CNTN3: variants seen among roughly 807,000 people sequenced by gnomAD.
CNTN3 encodes the protein contactin 3, also known as contactin-3.
A neutral mutation model predicts 119.1 loss-of-function variants in CNTN3; 60 were observed. The observed-to-expected ratio is 0.50, with a 90% CI of 0.41 to 0.62. The LOEUF (loss-of-function observed/expected upper bound fraction) is 0.62, where lower values mean the gene tolerates loss of function less well. Among genes scored for constraint, CNTN3 ranks in the 20% least tolerant of loss-of-function variants. The pLI is 0.00. For missense variants in CNTN3, 1,101 were observed against 1,242.4 expected (o/e 0.89, Z 1.71); for synonymous variants, 450 against 438.7 (o/e 1.03, Z -0.32).
chr3:74,611,792 A>C (rs1705086107), intron 1 of CNTN3, among the ~76,000 whole-genome samples: 1 of 152,226 alleles, frequency 6.6e-6, no homozygotes, highest in South Asian at 2.1e-4. Flanking sequence ...AGCACCTTAA[A>C]GATGCTCACC....
intron 11 of CNTN3, among the ~76,000 whole-genome samples, chr3:74,347,541 C>T (rs1216309966): frequency 6.6e-6 from 1 of 152,238 alleles, no homozygotes; most frequent in Non-Finnish European, 1.5e-5. Context: ...AAGTCCACCC[C>T]ACAAGGCCTT....
At chr3:74,467,106 A>G (rs1363351144) in intron 4 of CNTN3, among the ~76,000 whole-genome samples, 1 of 152,172 alleles carries the variant, frequency 6.6e-6, no homozygotes, top group East Asian at 1.9e-4. Flanking sequence ...AAAGATACAA[A>G]TACAATTTTT....
At chr3:74,483,329 T>C (rs1459170035) in intron 4 of CNTN3, among the ~76,000 whole-genome samples, 1 of 152,050 alleles carries the variant, frequency 6.6e-6, no homozygotes, top group African/African-American at 2.4e-5. Flanking sequence ...TGTATCCTCA[T>C]ATGGTGCACC....
intron 13 of CNTN3, among the ~76,000 whole-genome samples, chr3:74,311,100 G>A (rs1702674515): frequency 6.6e-6 from 1 of 152,188 alleles, no homozygotes; most frequent in South Asian, 2.1e-4. Flanking sequence ...CTCTGGACTA[G>A]ACACCCTTCA....
chr3:74,457,764 G>T (rs1702297080), intron 4 of CNTN3, among the ~76,000 whole-genome samples: 1 of 151,942 alleles, frequency 6.6e-6, no homozygotes, highest in Admixed American at 6.6e-5. Flanking sequence ...ATGTTGCATG[G>T]CTCAGAGGAG....
intron 16 of CNTN3, among the ~76,000 whole-genome samples, chr3:74,300,789 G>C (rs1702438626): frequency 6.6e-6 from 1 of 152,078 alleles, no homozygotes; most frequent in East Asian, 1.9e-4. Flanking sequence ...GCAATCTTTA[G>C]GTCTCAATTG....
intron 13 of CNTN3, among the ~76,000 whole-genome samples, chr3:74,318,240 AT>A (rs142155314): frequency 0.075 from 11,287 of 149,702 alleles, 481 homozygotes; most frequent in East Asian, 0.14. Flanking sequence ...CCATTTGTCT[AT>A]TTTTTTTTCA....
intron 18 of CNTN3, among the ~76,000 whole-genome samples, chr3:74,296,505 A>C (rs1358521760): frequency 6.6e-6 from 1 of 152,214 alleles, no homozygotes; most frequent in Admixed American, 6.5e-5. Flanking sequence ...TCCCTCTCAG[A>C]ACTCAACCAA....
chr3:74,495,469 TAC>T (rs1035355957), intron 3 of CNTN3, among the ~76,000 whole-genome samples: 3 of 151,990 alleles, frequency 2.0e-5, no homozygotes, highest in Non-Finnish European at 2.9e-5. Context: ...ATTGACAGCA[TAC>T]ACATAGTGTG....
chr3:74,360,924 A>G (rs1213352172), intron 11 of CNTN3, among the ~76,000 whole-genome samples: 1 of 152,016 alleles, frequency 6.6e-6, no homozygotes, highest in East Asian at 1.9e-4. Flanking sequence ...CTCCAGGATA[A>G]CCTCCTTATT....
At chr3:74,442,144 A>G (rs1246179649) in intron 4 of CNTN3, among the ~76,000 whole-genome samples, 1 of 120,800 alleles carries the variant, frequency 8.3e-6, no homozygotes, top group East Asian at 2.8e-4. Context: ...AGTGCATGCA[A>G]GTACACACAC....
intron 1 of CNTN3, among the ~76,000 whole-genome samples, chr3:74,553,594 T>G (rs967771052): frequency 2.6e-5 from 4 of 152,168 alleles, no homozygotes; most frequent in African/African-American, 9.7e-5. Context: ...CTCTCCAGCA[T>G]CTGTTGTTTC....
intron 5 of CNTN3, among the ~76,000 whole-genome samples, chr3:74,423,117 A>G (rs932820879): frequency 3.9e-5 from 6 of 152,222 alleles, no homozygotes; most frequent in Admixed American, 3.9e-4. Flanking sequence ...AGAAATACAG[A>G]GAAAAATGGA....
intron 1 of CNTN3, among the ~76,000 whole-genome samples, chr3:74,555,990 G>A (rs1704062989): frequency 6.6e-6 from 1 of 152,098 alleles, no homozygotes; most frequent in Non-Finnish European, 1.5e-5. Flanking sequence ...CCATTTTGTA[G>A]TGGGGTTGCT....
intron 4 of CNTN3, among the ~76,000 whole-genome samples, chr3:74,450,347 T>C (rs1702125886): frequency 6.6e-6 from 1 of 152,044 alleles, no homozygotes; most frequent in African/African-American, 2.4e-5. Context: ...GGTGAAAATG[T>C]AAATTGGTGT....
At chr3:74,291,981 A>C (rs542741350) in intron 19 of CNTN3, among the ~76,000 whole-genome samples, 6 of 152,226 alleles carry the variant, frequency 3.9e-5, no homozygotes, top group South Asian at 2.1e-4. Flanking sequence ...ATGTCTGCCA[A>C]TGTCATTGGA....
At chr3:74,320,477 A>G (rs188301311) in intron 13 of CNTN3, among the ~76,000 whole-genome samples, 2 of 152,042 alleles carry the variant, frequency 1.3e-5, no homozygotes, top group Non-Finnish European at 2.9e-5. Flanking sequence ...ATGAGAACAC[A>G]TGGACACAGG....
At chr3:74,449,068 GT>G (rs1385662658) in intron 4 of CNTN3, among the ~76,000 whole-genome samples, 1 of 151,908 alleles carries the variant, frequency 6.6e-6, no homozygotes, top group Non-Finnish European at 1.5e-5. Context: ...ATCTGTGCTT[GT>G]CCTATTTTAT....
intron 20 of CNTN3, among the ~76,000 whole-genome samples, chr3:74,271,072 T>A (rs1701765850): frequency 6.6e-6 from 1 of 152,220 alleles, no homozygotes; most frequent in South Asian, 2.1e-4. Context: ...ATTTTCAGAC[T>A]CCTCAACATC....
Sources: gnomAD v4.1 joint callset for allele counts (sites outside exome capture counted in the v4.1 genomes callset) on GRCh38, gnomAD v4.1.1 for gene constraint, MANE v1.5 for transcripts, NCBI Gene and HGNC (gene_info 2026-07-23, HGNC 2026-07-21) for gene names.